Variants in ZNF214 observed in about 807,000 individuals in gnomAD.
The protein encoded by ZNF214 is zinc finger protein 214, also known as BWSCR2-associated zinc finger protein 1.
ZNF214 carries 43 observed loss-of-function variants against 53.9 expected under a neutral mutation model. The ratio of observed to expected loss-of-function variants is 0.80; its 90% CI spans 0.63 to 1.03. The LOEUF (loss-of-function observed/expected upper bound fraction) is 1.03, where lower values mean the gene tolerates loss of function less well. Ranked by LOEUF, ZNF214 falls within the 50% of genes least tolerant of loss-of-function variation. The pLI is 0.00. For missense variants in ZNF214, 724 were observed against 719.1 expected, an observed-to-expected ratio of 1.01 and a Z score of -0.08; for synonymous variants, 217 against 229.5, an observed-to-expected ratio of 0.95 and a Z score of 0.49.
rs1371502571 is a variant in ZNF214 at position 7,001,202 on chromosome 11, C to T, written c.481G>A (p.Gly161Ser). ...GREIYMSGSH[G>S]FQGGRYRLGI... ...AGACGGTATCTGCCCCCTTGAAAAC[C>T]ATGTGAACCACTCATGTAGATTTCT... Residue 161 changes from glycine (G) to serine (S), a missense_variant, in exon 3 of 3, where the codon GGT becomes AGT. By Grantham distance (56) the Gly-to-Ser change is moderately conservative. Transcript: ENST00000278314. 6.2e-7 allele frequency: 1 copy of T among 1,613,194 alleles called. No homozygotes were observed. Among genetic ancestry groups the T allele is most frequent in the East Asian group, 2.2e-5 (1 of 44,852 alleles).
At chr11:7,004,159 T>C (rs115292004) in intron 1 of ZNF214, among the ~76,000 whole-genome samples, 6,444 of 151,996 alleles carry the variant, frequency 0.042, 451 homozygotes, top group African/African-American at 0.14. Flanking sequence ...AGGAGTCTAA[T>C]TTCTTTTACT....
Position 7,000,990 on chromosome 11 carries a change from G to C in ZNF214, c.693C>G (p.Asn231Lys). 1 of 1,613,020 alleles carries C rather than the reference G, an allele frequency of 6.2e-7. No homozygotes were observed. Among genetic ancestry groups the C allele is most frequent in the Middle Eastern group, 1.7e-4 (1 of 6,058 alleles). ...TTCTCTTGTGGAAAACACACCGTGA[G>C]TTCCAATAATAAATTCCTTTACATT... ...CNKCKGIYYW[N>K]SRCVFHKRNQ... is the part of the protein sequence containing the mutation. Residue 231 changes from asparagine (N) to lysine (K), a missense_variant, in exon 3 of 3, where the codon AAC becomes AAG. Asn to Lys is a moderately conservative substitution (Grantham distance 94). Coordinates refer to ENST00000278314, the MANE Select transcript of ZNF214 (RefSeq NM_013249.4).
In ZNF214 at chr11:6,998,839, C is replaced by CT. The variant is rs1416522491; in HGVS notation, c.*1022dup. 3.3e-5 allele frequency among the ~76,000 whole-genome samples: 5 copies of CT among 151,942 alleles called. No homozygotes were observed. The highest frequency in any genetic ancestry group is 5.9e-5 in the Non-Finnish European group (4 of 67,890). On this transcript the variant is annotated 3_prime_UTR_variant, in exon 3 of 3. Coordinates refer to ENST00000278314, the MANE Select transcript of ZNF214 (RefSeq NM_013249.4). ...CCTCTAATTTTCCTAAACATGTCCA[C>CT]TTTTTTTTCTCTTGGTATTACTTCA... is the stretch of plus-strand genomic sequence containing the variant.
In ZNF214 at chr11:7,011,581, A is replaced by C. The variant is rs141194428; in HGVS notation, c.-21+8492T>G. On this transcript the variant is annotated intron_variant, in intron 1 of 2. Transcript: ENST00000278314. ...TCAAGAACTTTAAGCTTAATGGAGA[A>C]ACTTCACATATATTCCCTTTACAAT... Among the ~76,000 whole-genome samples, 626 of 152,232 alleles carry C rather than the reference A, an allele frequency of 4.1e-3. 7 individuals are homozygous for C. The highest frequency in any genetic ancestry group is 0.014 in the African/African-American group (581 of 41,578).
chr11:7,001,245 G>T lies in ZNF214; in HGVS notation c.438C>A (p.Thr146=). 3.1e-6 allele frequency: 5 copies of T among 1,613,122 alleles called. No homozygotes were observed. The highest frequency in any genetic ancestry group is 3.4e-6 in the Non-Finnish European group (4 of 1,179,478). ...AGATTTCTCTACCATAGTCTTGAGT[G>T]GTTTTTGTTTCTAAGGACTGCCAAG... ...FMPWQSLETK[T]TQDYGREIYM... The change falls in exon 3 of 3, where the codon ACC becomes ACA. Residue 146 remains threonine (T), a synonymous_variant. Coordinates refer to ENST00000278314, the MANE Select transcript of ZNF214 (RefSeq NM_013249.4).
chr11:7,009,294 C>G (rs950525079), intron 1 of ZNF214, among the ~76,000 whole-genome samples: 26 of 152,096 alleles, frequency 1.7e-4, no homozygotes, highest in Non-Finnish European at 3.2e-4. Context: ...ACCATCTGAT[C>G]TTCAACAAAG....
chr11:7,006,084 A>C (rs1851464273), intron 1 of ZNF214, among the ~76,000 whole-genome samples: 1 of 152,048 alleles, frequency 6.6e-6, no homozygotes, highest in Non-Finnish European at 1.5e-5. Flanking sequence ...ATTAAATTGC[A>C]GTCATTTTTC....
At chr11:7,018,633 C>A (rs866863875) in intron 1 of ZNF214, among the ~76,000 whole-genome samples, 2 of 150,368 alleles carry the variant, frequency 1.3e-5, no homozygotes, top group Non-Finnish European at 2.9e-5. Context: ...TCCTGAGTAG[C>A]TGGGATTACA....
chr11:7,016,170 C>G (rs1273676005), intron 1 of ZNF214: 2 of 152,106 alleles, frequency 1.3e-5, no homozygotes, highest in Non-Finnish European at 2.9e-5. Flanking sequence ...CAGCACTGTT[C>G]TAAGTTATTT....
rs2133383268 is a variant in ZNF214, at chr11:7,001,490, A to T, written c.193T>A (p.Ser65Thr). ...KFRYLEYENF[S>T]YWQGWWNAGA... ...GCATTCCACCAGCCTTGCCAGTAGG[A>T]AAAATTTTCATATTCTAAGTATCTG... Residue 65 changes from serine to threonine, a missense_variant, in exon 3 of 3, where the codon TCC (serine) becomes ACC (threonine). By Grantham distance (58) the Ser-to-Thr change is moderately conservative. Transcript: ENST00000278314. The T allele has an allele frequency of 2.5e-6, 4 of 1,611,882 alleles. No individual in the cohort carries two copies. In the African/African-American group the frequency reaches 4.0e-5, roughly 16 times the overall value.
At chr11:7,011,087 A>C (rs1851597047) in intron 1 of ZNF214, among the ~76,000 whole-genome samples, 1 of 152,076 alleles carries the variant, frequency 6.6e-6, no homozygotes, top group African/African-American at 2.4e-5. Context: ...TTTATAGCTG[A>C]GTTCTAGCAA....
chr11:7,013,918 G>T (rs949989187), intron 1 of ZNF214, among the ~76,000 whole-genome samples: 3 of 152,178 alleles, frequency 2.0e-5, no homozygotes, highest in African/African-American at 7.2e-5. Context: ...TATGATTATT[G>T]TAATGGATGC....
At chr11:7,012,251 T>C (rs1851621717) in intron 1 of ZNF214, among the ~76,000 whole-genome samples, 1 of 152,030 alleles carries the variant, frequency 6.6e-6, no homozygotes, top group Non-Finnish European at 1.5e-5. Context: ...ATATTAACAA[T>C]AGAGGTGGCA....
rs201911443 is a variant in ZNF214 at position 7,000,857 on chromosome 11, C to T, written c.826G>A (p.Gly276Arg). The change falls in exon 3 of 3, where the codon GGA becomes AGA. Residue 276 changes from glycine (G) to arginine (R), a missense_variant. Coordinates refer to ENST00000278314, the MANE Select transcript of ZNF214 (RefSeq NM_013249.4). The part of the protein sequence containing the change: ...PRNHIGKKLY[G>R]CDEVDGNFHQ... ...AAGTTACCGTCAACTTCATCACATC[C>T]GTACAGCTTCTTACCTATGTGGTTT... The T allele has an allele frequency of 5.5e-5, 89 of 1,612,928 alleles. 1 individual carries two copies. The South Asian group carries it at 7.1e-4, about 13-fold the overall frequency.
chr11:7,017,524 C>T (rs1197013986), intron 1 of ZNF214, among the ~76,000 whole-genome samples: 1 of 151,968 alleles, frequency 6.6e-6, no homozygotes, highest in Non-Finnish European at 1.5e-5. Context: ...ATTGCCTGAG[C>T]TCAGGAGTTC....
At chr11:7,014,608 T>C (rs1851703672) in intron 1 of ZNF214, among the ~76,000 whole-genome samples, 1 of 151,970 alleles carries the variant, frequency 6.6e-6, no homozygotes, top group South Asian at 2.1e-4. Flanking sequence ...TTTAAGATAG[T>C]GGCTGCCCCT....
At chr11:7,012,063 C>T (rs1024682048) in intron 1 of ZNF214, among the ~76,000 whole-genome samples, 1 of 152,094 alleles carries the variant, frequency 6.6e-6, no homozygotes, top group Admixed American at 6.5e-5. Flanking sequence ...GACTTCTGTT[C>T]CTTAAAATTG....
intron 1 of ZNF214, among the ~76,000 whole-genome samples, chr11:7,015,444 G>C (rs1282154983): frequency 6.6e-6 from 1 of 152,028 alleles, no homozygotes; most frequent in Non-Finnish European, 1.5e-5. Context: ...CAGATGTGGG[G>C]CTCACCCGTG....
chr11:7,001,338 C>T lies in ZNF214; in HGVS notation c.345G>A (p.Gly115=). 1.2e-6 allele frequency: 2 copies of T among 1,613,136 alleles called. No individual in the cohort carries two copies. The highest frequency in any genetic ancestry group is 1.7e-6 in the Non-Finnish European group (2 of 1,179,404). The change falls in exon 3 of 3, where the codon GGG becomes GGA. Residue 115 remains glycine (G), a synonymous_variant. Coordinates refer to ENST00000278314, the MANE Select transcript of ZNF214 (RefSeq NM_013249.4). The part of the protein sequence containing the change: ...EWLILSTQVP[G]YGNYELTFES... ...CAAAAGTCAGTTCATAGTTCCCATA[C>T]CCTGGTACTTGTGTGGAGAGTATTA...
Sources: allele counts gnomAD v4.1 joint callset (sites outside exome capture counted in the v4.1 genomes callset), GRCh38; gene constraint gnomAD v4.1.1; transcripts MANE v1.5; gene names NCBI Gene and HGNC (gene_info 2026-07-23, HGNC 2026-07-21).